The following PPP1CC variants were observed in gnomAD, a reference collection of about 807,000 sequenced individuals.
The protein encoded by PPP1CC is serine/threonine-protein phosphatase PP1-gamma catalytic subunit.
Under a neutral mutation model 38.4 loss-of-function variants are expected in PPP1CC, and 16 were observed. That is an observed-to-expected ratio of 0.42 (90% CI 0.28 to 0.63). The LOEUF (loss-of-function observed/expected upper bound fraction) is 0.63, where lower values mean the gene tolerates loss of function less well. Among genes scored for constraint, PPP1CC ranks in the 30% least tolerant of loss-of-function variants. The pLI, the probability that PPP1CC is intolerant of heterozygous loss-of-function variation, is 0.25. For synonymous variants in PPP1CC, 158 were observed against 136.0 expected, an observed-to-expected ratio of 1.16 and a Z score of -1.13; for missense variants, 170 against 391.3, an observed-to-expected ratio of 0.43 and a Z score of 4.77.
At chr12:110,736,996 G>C (rs1308993009) in intron 1 of PPP1CC, among the ~76,000 whole-genome samples, 1 of 152,134 alleles carries the variant, frequency 6.6e-6, no homozygotes, top group Non-Finnish European at 1.5e-5. Flanking sequence ...TTAAAAAGTA[G>C]GTGATAATTT....
chr12:110,722,915 T>C lies in PPP1CC; in HGVS notation c.524-220A>G, dbSNP rs1299862008. 2.6e-5 allele frequency among the ~76,000 whole-genome samples: 4 copies of C among 152,226 alleles called. No homozygotes were observed. The highest frequency in any genetic ancestry group is 9.6e-5 in the African/African-American group (4 of 41,460). ...ACATGCAGTAATGCATGGGGTGCAG[T>C]AGGTTTAAACAGTACATGGAAACAA... is the stretch of plus-strand genomic sequence containing the variant. On this transcript the variant is annotated intron_variant, in intron 4 of 6. Coordinates refer to ENST00000335007, the MANE Select transcript of PPP1CC (RefSeq NM_002710.4). The surrounding 1 kb of genome is among the most constrained non-coding windows in gnomAD (Gnocchi z 5.4).
downstream of PPP1CC, among the ~76,000 whole-genome samples, chr12:110,718,085 A>G (rs2069701517): frequency 1.3e-5 from 2 of 152,256 alleles, no homozygotes; most frequent in South Asian, 4.1e-4. Context: ...ATGGCTCAGC[A>G]TTCAGTAATT....
intron 3 of PPP1CC, chr12:110,725,216 C>T (rs1317943642): frequency 6.5e-6 from 1 of 152,704 alleles, no homozygotes; most frequent in African/African-American, 2.4e-5. Context: ...CCATCAAATC[C>T]CAGGAATTAT....
intron 1 of PPP1CC, among the ~76,000 whole-genome samples, chr12:110,740,023 C>G (rs1212265906): frequency 1.3e-5 from 2 of 152,178 alleles, no homozygotes; most frequent in Non-Finnish European, 2.9e-5. Flanking sequence ...TACAGAAATA[C>G]TCAGAGTTCA....
At chr12:110,724,213 G>A (rs187978547) in intron 4 of PPP1CC, among the ~76,000 whole-genome samples, 1 of 152,064 alleles carries the variant, frequency 6.6e-6, no homozygotes, top group African/African-American at 2.4e-5. Flanking sequence ...GCTCCAGCCT[G>A]GGTGAGAGAG....
At chr12:110,712,025 C>T in the PPP1CC span, among the ~76,000 whole-genome samples, 1 of 151,984 alleles carries the variant, frequency 6.6e-6, no homozygotes, top group Non-Finnish European at 1.5e-5. Context: ...GATGGTGGTC[C>T]CATAAGACTA....
At chr12:110,724,788 C>T (rs748702063) in intron 3 of PPP1CC, 24 bp from the exon 4 acceptor site, 3 of 1,398,620 alleles carry the variant, frequency 2.1e-6, no homozygotes, top group African/African-American at 1.4e-5. Flanking sequence ...GAGAGTATTA[C>T]ATTAAAAAGA....
chr12:110,734,283 C>G (rs2069915736), intron 1 of PPP1CC, among the ~76,000 whole-genome samples: 1 of 152,204 alleles, frequency 6.6e-6, no homozygotes, highest in Non-Finnish European at 1.5e-5. Flanking sequence ...TGACTGAAAT[C>G]TGGATAAGTC....
At chr12:110,713,566 AAC>A in the PPP1CC span, among the ~76,000 whole-genome samples, 1 of 152,120 alleles carries the variant, frequency 6.6e-6, no homozygotes, top group Non-Finnish European at 1.5e-5. Context: ...CTGGTCTACA[AAC>A]ACAGGCCTGT....
intron 1 of PPP1CC, among the ~76,000 whole-genome samples, chr12:110,741,163 G>A (rs190064058): frequency 6.6e-6 from 1 of 151,528 alleles, no homozygotes; most frequent in Admixed American, 6.6e-5. Flanking sequence ...GCATTTCAGG[G>A]GTCCTTAATG....
At position 110,722,041 on chromosome 12, in the gene PPP1CC, A is replaced by T; in HGVS notation, c.882+94T>A. ...AAAATAAAAACTTAGCCTACTCAGC[A>T]TAAGTGAACACTAGGCAAAAAGTAG... On this transcript the variant is annotated intron_variant, in intron 6 of 6. Coordinates refer to ENST00000335007, the MANE Select transcript of PPP1CC (RefSeq NM_002710.4). The surrounding 1 kb of genome is among the most constrained non-coding windows in gnomAD (Gnocchi z 5.4). 6.6e-7 allele frequency: 1 copy of T among 1,511,092 alleles called. No homozygotes were observed. Among genetic ancestry groups the T allele is most frequent in the Non-Finnish European group, 9.1e-7 (1 of 1,102,212 alleles). 93.6% of individuals were successfully genotyped at this position (1,511,092 alleles called of 1,614,324 possible).
Position 110,731,918 on chromosome 12 carries a change from G to C in PPP1CC, c.56-17C>G, listed in dbSNP as rs370380512. The C allele has an allele frequency of 8.7e-6, 14 of 1,609,136 alleles. No individual in the cohort carries two copies. In the African/African-American group the frequency reaches 1.9e-4, roughly 22 times the overall value. On this transcript the variant is annotated splice_polypyrimidine_tract_variant and intron_variant, in intron 1 of 6. Coordinates refer to ENST00000335007, the MANE Select transcript of PPP1CC (RefSeq NM_002710.4). ...ACCCTCTCACTGCAAGAGAAAAATC[G>C]CAATTAGTCCAATGAAGCCAAAATA...
chr12:110,732,537 T>C (rs560772125), intron 1 of PPP1CC: 2 of 152,228 alleles, frequency 1.3e-5, no homozygotes, highest in Admixed American at 6.5e-5. Context: ...TATGAAAAAA[T>C]GTTAGTGTTG....
chr12:110,710,077 A>T, the PPP1CC span, among the ~76,000 whole-genome samples: 2 of 151,918 alleles, frequency 1.3e-5, no homozygotes, highest in Admixed American at 1.3e-4. Context: ...AGAAAAAATT[A>T]GTAAACTAGA....
chr12:110,732,048 C>T, intron 1 of PPP1CC, 147 bp from the exon 2 acceptor site: 1 of 799,336 alleles, frequency 1.3e-6, no homozygotes, highest in Non-Finnish European at 1.9e-6. Context: ...GTTTTAATGT[C>T]TAATTAGAAT....
intron 1 of PPP1CC, among the ~76,000 whole-genome samples, chr12:110,738,398 C>G (rs965459275): frequency 6.6e-5 from 10 of 152,138 alleles, no homozygotes; most frequent in Admixed American, 5.9e-4. Context: ...ATATTATCTC[C>G]TTCATATTTT....
downstream of PPP1CC, among the ~76,000 whole-genome samples, chr12:110,714,711 C>T (rs145697543): frequency 0.097 from 13,763 of 141,892 alleles, 727 homozygotes; most frequent in African/African-American, 0.13. Flanking sequence ...GAGGCTGAGG[C>T]AGGAGAATCA....
At chr12:110,718,831 G>C (rs2069708227), downstream of PPP1CC, among the ~76,000 whole-genome samples, 2 of 152,266 alleles carry the variant, frequency 1.3e-5, no homozygotes, top group South Asian at 4.1e-4. Flanking sequence ...CTGTCAAACA[G>C]ATTTCAAACT....
chr12:110,738,241 T>C (rs962039419), intron 1 of PPP1CC, among the ~76,000 whole-genome samples: 3 of 152,242 alleles, frequency 2.0e-5, no homozygotes, highest in Admixed American at 1.3e-4. Context: ...ACACATCATC[T>C]GTTCTTGATG....
Sources: allele counts gnomAD v4.1 joint callset (sites outside exome capture counted in the v4.1 genomes callset), GRCh38; gene constraint gnomAD v4.1.1; non-coding constraint Gnocchi (gnomAD v3.1); transcripts MANE v1.5; gene names NCBI Gene and HGNC (gene_info 2026-07-23, HGNC 2026-07-21).